Variants in SNX29 observed in about 807,000 individuals in gnomAD.
The protein encoded by SNX29 is sorting nexin 29.
Under a neutral mutation model 102.1 loss-of-function variants are expected in SNX29, and 78 were observed. The observed-to-expected ratio is 0.76, with a 90% CI of 0.64 to 0.92. The LOEUF (loss-of-function observed/expected upper bound fraction) is 0.92, where lower values mean the gene tolerates loss of function less well. Ranked by LOEUF, SNX29 falls within the 40% of genes least tolerant of loss-of-function variation. The probability of loss-of-function intolerance (pLI) is 0.00; values close to 1 mark genes in which losing one functional copy is unlikely to be tolerated. For missense variants in SNX29, 1,280 were observed against 1,061.7 expected, an observed-to-expected ratio of 1.21 and a Z score of -2.86; for synonymous variants, 580 against 414.5, an observed-to-expected ratio of 1.40 and a Z score of -4.85.
chr16:12,547,581 G>T lies in SNX29; in HGVS notation c.2319-20925G>T, dbSNP rs138613534. Among the ~76,000 whole-genome samples, 415 of 152,128 alleles carry T rather than the reference G, an allele frequency of 2.7e-3. 1 individual carries two copies. Among genetic ancestry groups the T allele is most frequent in the Non-Finnish European group, 4.3e-3 (292 of 67,980 alleles). On this transcript the variant is annotated intron_variant, in intron 20 of 20. Coordinates refer to ENST00000566228, the MANE Select transcript of SNX29 (RefSeq NM_032167.5). ...GGTTAACATCCCCCTCCCTCACGAG[G>T]ATTAAATACACCCCCACGAAGTCAG...
intron 16 of SNX29, among the ~76,000 whole-genome samples, chr16:12,372,247 G>C (rs998625350): frequency 6.6e-6 from 1 of 152,094 alleles, no homozygotes; most frequent in African/African-American, 2.4e-5. Context: ...AATATATGTC[G>C]ACTTCCTCCT....
At chr16:12,512,187 T>A (rs900432998) in intron 19 of SNX29, among the ~76,000 whole-genome samples, 1 of 150,334 alleles carries the variant, frequency 6.7e-6, no homozygotes, top group Non-Finnish European at 1.5e-5. Flanking sequence ...CCCCTAAGAT[T>A]AAGTTTGGGG....
In SNX29 at chr16:12,570,731, A is replaced by G. The variant is rs534691380; in HGVS notation, c.*2102A>G. 29 of 232,394 alleles carry G rather than the reference A, an allele frequency of 1.2e-4. No homozygotes were observed. The highest frequency in any genetic ancestry group is 2.6e-3 in the Middle Eastern group (2 of 780). The allele number at this position is 232,394 out of a possible 1,614,324, so 14.4% of individuals were successfully genotyped here. ...ACAGGATGTGAATTGGTCTCTCTCC[A>G]GATACCCCACGAGGAAGCACCTTGG... On this transcript the variant is annotated 3_prime_UTR_variant, in exon 21 of 21. Transcript: ENST00000566228.
At chr16:12,558,528 G>T (rs1050779292) in intron 20 of SNX29, among the ~76,000 whole-genome samples, 1 of 152,210 alleles carries the variant, frequency 6.6e-6, no homozygotes, top group Non-Finnish European at 1.5e-5. Flanking sequence ...CCCCAGGGAT[G>T]CACACACCCC....
intron 18 of SNX29, among the ~76,000 whole-genome samples, chr16:12,453,184 T>C (rs1427434081): frequency 6.6e-6 from 1 of 152,210 alleles, no homozygotes; most frequent in Non-Finnish European, 1.5e-5. Context: ...GTTACATATA[T>C]GGCTCTCATG....
intron 13 of SNX29, among the ~76,000 whole-genome samples, chr16:12,151,734 G>T (rs1466714023): frequency 1.3e-5 from 2 of 151,962 alleles, no homozygotes. Context: ...TTTTTTGTTT[G>T]TTTGTTTGTT....
chr16:12,471,474 G>A (rs1007593756), intron 18 of SNX29, among the ~76,000 whole-genome samples: 5 of 152,168 alleles, frequency 3.3e-5, no homozygotes, highest in African/African-American at 1.2e-4. Context: ...GGCTGGCAAG[G>A]GGTGCAGCTG....
intron 15 of SNX29, among the ~76,000 whole-genome samples, chr16:12,305,336 C>T (rs760990440): frequency 6.6e-6 from 1 of 152,234 alleles, no homozygotes; most frequent in Non-Finnish European, 1.5e-5. Context: ...GGTATCAGGA[C>T]TGGAGCAGGG....
intron 11 of SNX29, among the ~76,000 whole-genome samples, chr16:12,119,056 C>T (rs7201211): frequency 0.075 from 11,427 of 152,258 alleles, 612 homozygotes; most frequent in East Asian, 0.24. Flanking sequence ...TGATCCACAG[C>T]TTGATCTCTT....
chr16:12,287,297 C>T (rs1424413092), intron 15 of SNX29, among the ~76,000 whole-genome samples: 8 of 152,202 alleles, frequency 5.3e-5, no homozygotes, highest in African/African-American at 1.9e-4. Flanking sequence ...GCATGGTCTC[C>T]TTTACAAACA....
At chr16:11,995,297 C>A (rs2151000731) in intron 1 of SNX29, among the ~76,000 whole-genome samples, 1 of 152,234 alleles carries the variant, frequency 6.6e-6, no homozygotes, top group Admixed American at 6.5e-5. Context: ...AACTCCTGAC[C>A]TCATGTGATC....
intron 15 of SNX29, among the ~76,000 whole-genome samples, chr16:12,284,140 A>C (rs1032527784): frequency 1.3e-5 from 2 of 152,216 alleles, no homozygotes; most frequent in Non-Finnish European, 1.5e-5. Flanking sequence ...CAACAATGTG[A>C]AGTGTTGGCG....
chr16:12,290,428 A>C (rs76875280), intron 15 of SNX29, among the ~76,000 whole-genome samples: 1,992 of 151,472 alleles, frequency 0.013, 19 homozygotes, highest in Middle Eastern at 0.027. Context: ...ACCCCACTGC[A>C]CTCTTGAAGA....
At chr16:12,259,493 C>T (rs917757686) in intron 14 of SNX29, among the ~76,000 whole-genome samples, 1 of 152,200 alleles carries the variant, frequency 6.6e-6, no homozygotes, top group African/African-American at 2.4e-5. Flanking sequence ...CCGCAGCCCC[C>T]ACCTGGCTCC....
At chr16:11,998,581 A>C (rs547890287) in intron 1 of SNX29, among the ~76,000 whole-genome samples, 2 of 152,222 alleles carry the variant, frequency 1.3e-5, no homozygotes, top group African/African-American at 2.4e-5. Flanking sequence ...CAGGCTCATG[A>C]CTTCGTGGTG....
Position 12,570,635 on chromosome 16 carries a change from T to TC in SNX29, c.*2011dup, listed in dbSNP as rs1368176361. ...CTGTTCTCTGTTGGATAAAGGAACC[T>TC]CCCCCATCTGTGACATTCCCTTGGG... On this transcript the variant is annotated 3_prime_UTR_variant, in exon 21 of 21. Coordinates refer to ENST00000566228, the MANE Select transcript of SNX29 (RefSeq NM_032167.5). 12 of 231,874 alleles carry TC rather than the reference T, an allele frequency of 5.2e-5. No homozygotes were observed. Among genetic ancestry groups the TC allele is most frequent in the Non-Finnish European group, 3.4e-5 (4 of 117,344 alleles). 14.4% of individuals were successfully genotyped at this position (231,874 alleles called of 1,614,324 possible).
At chr16:12,560,382 T>G (rs966083787) in intron 20 of SNX29, among the ~76,000 whole-genome samples, 1 of 152,102 alleles carries the variant, frequency 6.6e-6, no homozygotes, top group Non-Finnish European at 1.5e-5. Context: ...CGCTCAGTAT[T>G]TTGAGTTCTT....
intron 11 of SNX29, chr16:12,093,692 C>G (rs2052654683): frequency 6.6e-6 from 1 of 152,144 alleles, no homozygotes; most frequent in Non-Finnish European, 1.5e-5. Context: ...GTAATATTAT[C>G]CCCTTGGTGG....
chr16:12,074,649 T>G (rs1189439741), intron 10 of SNX29, among the ~76,000 whole-genome samples: 1 of 152,148 alleles, frequency 6.6e-6, no homozygotes, highest in Non-Finnish European at 1.5e-5. Flanking sequence ...TGTCTTGGAG[T>G]TGCTCTTCTC....
Sources: allele counts gnomAD v4.1 joint callset (sites outside exome capture counted in the v4.1 genomes callset), GRCh38; gene constraint gnomAD v4.1.1; transcripts MANE v1.5; gene names NCBI Gene and HGNC (gene_info 2026-07-23, HGNC 2026-07-21).